Variants in TGM6 observed in about 807,000 individuals in gnomAD.
The protein encoded by TGM6 is transglutaminase 6, also known as protein-glutamine gamma-glutamyltransferase 6.
A neutral mutation model predicts 77.5 loss-of-function variants in TGM6; 74 were observed. The ratio of observed to expected loss-of-function variants is 0.96; its 90% CI spans 0.79 to 1.16. TGM6 has a LOEUF of 1.16. TGM6 is among the 50% of genes most tolerant of loss of function. The pLI is 0.00. For synonymous variants in TGM6, 383 were observed against 378.9 expected, an observed-to-expected ratio of 1.01 and a Z score of -0.12; for missense variants, 968 against 940.2, an observed-to-expected ratio of 1.03 and a Z score of -0.39.
intron 7 of TGM6, among the ~76,000 whole-genome samples, chr20:2,402,055 C>T (rs998278942): frequency 3.3e-5 from 5 of 151,836 alleles, no homozygotes; most frequent in Middle Eastern, 3.4e-3. Flanking sequence ...CTGGCCAACA[C>T]GGTGAAACCC....
intron 1 of TGM6, among the ~76,000 whole-genome samples, chr20:2,393,320 G>GT (rs572783852): frequency 3.0e-4 from 45 of 151,686 alleles, no homozygotes; most frequent in South Asian, 2.7e-3. Flanking sequence ...TAAAACTAGG[G>GT]TTTTTTTTGC....
At position 2,416,402 on chromosome 20, in the gene TGM6, G is replaced by A. The variant is rs141323533; in HGVS notation, c.1337-830G>A. On this transcript the variant is annotated intron_variant, in intron 9 of 12. Transcript: ENST00000202625. ...TACATGGGTGTCAAGACAATTCAAT[G>A]GAGAAAGAATAAAAATAGTCTTTTC... 2.2e-3 allele frequency among the ~76,000 whole-genome samples: 340 copies of A among 152,288 alleles called. 1 individual carries two copies. The highest frequency in any genetic ancestry group is 3.5e-3 in the Non-Finnish European group (238 of 68,020).
intron 1 of TGM6, among the ~76,000 whole-genome samples, chr20:2,383,555 C>T (rs990489508): frequency 1.6e-4 from 24 of 152,156 alleles, no homozygotes; most frequent in African/African-American, 5.6e-4. Context: ...GCTGTAGATT[C>T]CATGGTGCTT....
intron 9 of TGM6, among the ~76,000 whole-genome samples, chr20:2,414,861 T>C (rs1338612213): frequency 6.7e-6 from 1 of 148,428 alleles, no homozygotes; most frequent in Non-Finnish European, 1.5e-5. Context: ...AATTATGAAT[T>C]ATATTAGTGG....
chr20:2,426,076 C>T (rs2084885811), intron 10 of TGM6, among the ~76,000 whole-genome samples: 1 of 152,160 alleles, frequency 6.6e-6, no homozygotes, highest in Admixed American at 6.5e-5. Flanking sequence ...TGCATTGAAT[C>T]TATAGATCAA....
intron 7 of TGM6, among the ~76,000 whole-genome samples, chr20:2,402,028 A>G (rs570898491): frequency 2.1e-4 from 32 of 152,244 alleles, no homozygotes; most frequent in African/African-American, 7.7e-4. Context: ...ACTTGAGGTC[A>G]GGAGTTCGAG....
chr20:2,409,447 C>G (rs559356687), intron 9 of TGM6, among the ~76,000 whole-genome samples: 4 of 152,278 alleles, frequency 2.6e-5, no homozygotes, highest in African/African-American at 9.6e-5. Context: ...TGTGGTGGCT[C>G]ACGCCTATAA....
At chr20:2,414,937 G>A (rs565898320) in intron 9 of TGM6, among the ~76,000 whole-genome samples, 2 of 140,796 alleles carry the variant, frequency 1.4e-5, no homozygotes, top group South Asian at 4.9e-4. Flanking sequence ...CAGAATTTGG[G>A]GGGGGGGGTG....
chr20:2,393,020 T>C (rs1165940561), intron 1 of TGM6, among the ~76,000 whole-genome samples: 2 of 152,240 alleles, frequency 1.3e-5, no homozygotes, highest in African/African-American at 4.8e-5. Context: ...GCACCATGCA[T>C]TGAGGGCAAG....
At chr20:2,381,186 T>A (rs2084552233) in intron 1 of TGM6, among the ~76,000 whole-genome samples, 1 of 152,168 alleles carries the variant, frequency 6.6e-6, no homozygotes, top group South Asian at 2.1e-4. Flanking sequence ...TGGCCCAGGC[T>A]GGCTCAGGCG....
chr20:2,418,202 G>A (rs1311589116), intron 10 of TGM6, among the ~76,000 whole-genome samples: 1 of 152,018 alleles, frequency 6.6e-6, no homozygotes. Context: ...TAGTAGAGAG[G>A]GGGTTTCATG....
chr20:2,395,287 A>G lies in TGM6; in HGVS notation c.275A>G (p.Gln92Arg), dbSNP rs562597485. 1 of 1,614,212 alleles carries G rather than the reference A, an allele frequency of 6.2e-7. No individual in the cohort carries two copies. Among genetic ancestry groups the G allele is most frequent in the Admixed American group, 1.7e-5 (1 of 60,024 alleles). The change falls in exon 3 of 13, where the codon CAG (glutamine) becomes CGG (arginine). Residue 92 changes from glutamine (Q) to arginine (R), a missense_variant. Coordinates refer to ENST00000202625, the MANE Select transcript of TGM6 (RefSeq NM_198994.3). Reference protein sequence around the residue: ...GEGWTAAREAQMEKTLTVSLA... With the variant: ...GEGWTAAREARMEKTLTVSLA... Reference sequence around the variant, plus strand: ...GGCTGGACAGCAGCAAGGGAGGCTCAGATGGAGAAAACTCTGACCGTCAGT... The same window carrying G: ...GGCTGGACAGCAGCAAGGGAGGCTCGGATGGAGAAAACTCTGACCGTCAGT...
intron 1 of TGM6, among the ~76,000 whole-genome samples, chr20:2,384,139 A>G (rs369645324): frequency 4.2e-4 from 63 of 150,434 alleles, no homozygotes; most frequent in Middle Eastern, 3.5e-3. Flanking sequence ...CCCTGTTCGT[A>G]GAGCTCATCA....
rs559291637 is a variant in TGM6 at position 2,381,023 on chromosome 20, G to T, written c.7+48G>T. 15 of 1,605,008 alleles carry T rather than the reference G, an allele frequency of 9.3e-6. No individual in the cohort carries two copies. The African/African-American group carries it at 2.0e-4, about 21-fold the overall frequency. On this transcript the variant is annotated intron_variant, in intron 1 of 12. Coordinates refer to ENST00000202625, the MANE Select transcript of TGM6 (RefSeq NM_198994.3). ...CTTGGGACACCAGGGCTCATGAGGG[G>T]GGCTTCAAGAAACACGGGTCTGTGG...
intron 7 of TGM6, among the ~76,000 whole-genome samples, chr20:2,401,951 G>C (rs888256478): frequency 1.3e-5 from 2 of 152,168 alleles, no homozygotes; most frequent in African/African-American, 4.8e-5. Flanking sequence ...AAGATTAGGA[G>C]AGATGGCTGG....
At chr20:2,427,900 C>T (rs886647331) in intron 10 of TGM6, among the ~76,000 whole-genome samples, 11 of 152,182 alleles carry the variant, frequency 7.2e-5, no homozygotes, top group Admixed American at 4.6e-4. Context: ...AGACTACAGG[C>T]ACGTGCCCAC....
At chr20:2,426,701 G>C (rs1227462586) in intron 10 of TGM6, among the ~76,000 whole-genome samples, 2 of 152,072 alleles carry the variant, frequency 1.3e-5, no homozygotes, top group Admixed American at 1.3e-4. Context: ...TCTATTCCTA[G>C]TTTGCTGAGA....
At chr20:2,385,741 A>C (rs549423912) in intron 1 of TGM6, among the ~76,000 whole-genome samples, 75 of 152,148 alleles carry the variant, frequency 4.9e-4, no homozygotes, top group Non-Finnish European at 9.6e-4. Flanking sequence ...GGGCGGGCCC[A>C]AGGACGCTGC....
chr20:2,432,531 T>C lies in TGM6; in HGVS notation c.2009T>C (p.Phe670Ser), dbSNP rs1174621856. 2.5e-6 allele frequency: 4 copies of C among 1,614,000 alleles called. No homozygotes were observed. Among genetic ancestry groups the C allele is most frequent in the African/African-American group, 1.3e-5 (1 of 74,898 alleles). Residue 670 changes from phenylalanine to serine, a missense_variant, in exon 13 of 13, where the codon TTT (phenylalanine) becomes TCT (serine). Coordinates refer to ENST00000202625, the MANE Select transcript of TGM6 (RefSeq NM_198994.3). ...CCTCAGGAGAGGGCCTCAGTCCAGT[T>C]TGACATCACCCCCTCCAAAAGTGGC... ...LEPQERASVQ[F>S]DITPSKSGPR...
Sources: allele counts gnomAD v4.1 joint callset (sites outside exome capture counted in the v4.1 genomes callset), GRCh38; gene constraint gnomAD v4.1.1; transcripts MANE v1.5; gene names NCBI Gene and HGNC (gene_info 2026-07-23, HGNC 2026-07-21).